Variants in UNC13C observed in about 807,000 individuals in gnomAD.
UNC13C encodes unc-13 homolog C, also known as protein unc-13 homolog C.
In UNC13C, 174 loss-of-function variants were observed where a neutral mutation model predicts 245.4. That is an observed-to-expected ratio of 0.71 (90% confidence interval 0.63 to 0.80). The LOEUF is 0.80. Among genes scored for constraint, UNC13C ranks in the 30% least tolerant of loss-of-function variants. UNC13C has a pLI of 0.00. For missense variants in UNC13C, 2,829 were observed against 2,602.9 expected, an observed-to-expected ratio of 1.09 and a Z score of -1.89; for synonymous variants, 992 against 895.1, an observed-to-expected ratio of 1.11 and a Z score of -1.93.
At chr15:54,492,257 A>G (rs188089076) in intron 19 of UNC13C, among the ~76,000 whole-genome samples, 1 of 152,276 alleles carries the variant, frequency 6.6e-6, no homozygotes, top group East Asian at 1.9e-4. Context: ...TCTCAGATAC[A>G]GTTTATATAT....
intron 4 of UNC13C, among the ~76,000 whole-genome samples, chr15:54,161,740 C>G (rs1373282852): frequency 1.3e-5 from 2 of 152,024 alleles, no homozygotes; most frequent in Non-Finnish European, 2.9e-5. Context: ...TACCTGAGGT[C>G]AGGAGTTCCA....
intron 2 of UNC13C, among the ~76,000 whole-genome samples, chr15:54,060,596 G>A (rs1312421214): frequency 6.6e-6 from 1 of 152,110 alleles, no homozygotes; most frequent in Admixed American, 6.5e-5. Context: ...AATACCATTT[G>A]ACCCAGCCAT....
chr15:54,052,603 T>A (rs912071395), intron 2 of UNC13C, among the ~76,000 whole-genome samples: 6 of 152,214 alleles, frequency 3.9e-5, no homozygotes, highest in African/African-American at 1.4e-4. Context: ...AAATGACATG[T>A]TTATGGTGTT....
At chr15:54,471,036 G>T (rs901635416) in intron 19 of UNC13C, among the ~76,000 whole-genome samples, 1 of 150,776 alleles carries the variant, frequency 6.6e-6, no homozygotes, top group African/African-American at 2.4e-5. Flanking sequence ...TCCTGTTATT[G>T]CTTTCTAGTT....
At chr15:54,239,561 T>C (rs28410351) in intron 7 of UNC13C, among the ~76,000 whole-genome samples, 33,124 of 152,108 alleles carry the variant, frequency 0.22, 5,695 homozygotes, top group African/African-American at 0.47. Flanking sequence ...CATGATCCTC[T>C]GGCCTCTGCC....
intron 13 of UNC13C, among the ~76,000 whole-genome samples, chr15:54,301,577 C>T (rs12442616): frequency 0.72 from 109,011 of 151,982 alleles, 40,005 homozygotes; most frequent in African/African-American, 0.88. Flanking sequence ...CTGAGAATGA[C>T]GGTTTCCAGC....
intron 30 of UNC13C, among the ~76,000 whole-genome samples, chr15:54,611,924 A>ATAAGTATTTTACATGATAT (rs1566938798): frequency 6.6e-6 from 1 of 152,118 alleles, no homozygotes; most frequent in African/African-American, 2.4e-5. Context: ...ACCTTGCAAC[A>ATAAGTATTTTACATGATAT]TAAGTATTTT....
intron 30 of UNC13C, among the ~76,000 whole-genome samples, chr15:54,598,523 G>A (rs184071642): frequency 6.6e-6 from 1 of 152,200 alleles, no homozygotes; most frequent in Non-Finnish European, 1.5e-5. Context: ...CAGCACATAG[G>A]ATCTGGGTGG....
chr15:53,971,619 G>A, the UNC13C span, among the ~76,000 whole-genome samples: 1 of 152,134 alleles, frequency 6.6e-6, no homozygotes. Flanking sequence ...AGTGTTATAA[G>A]AGGGCAATAT....
intron 19 of UNC13C, among the ~76,000 whole-genome samples, chr15:54,480,416 C>CTTTTTTTTTTTT (rs58297037): frequency 2.1e-5 from 3 of 142,538 alleles, no homozygotes; most frequent in Non-Finnish European, 1.5e-5. Context: ...TTTTTTTACT[C>CTTTTTTTTTTTT]TTTTTTTTTT....
At chr15:54,391,425 T>G (rs543932313) in intron 17 of UNC13C, among the ~76,000 whole-genome samples, 8 of 152,156 alleles carry the variant, frequency 5.3e-5, no homozygotes, top group African/African-American at 1.9e-4. Context: ...AAAATAAAAA[T>G]AAATTTTAAT....
chr15:54,462,762 G>T (rs1019327451), intron 19 of UNC13C, among the ~76,000 whole-genome samples: 6 of 152,222 alleles, frequency 3.9e-5, no homozygotes, highest in African/African-American at 1.4e-4. Flanking sequence ...GCAGCCCGAG[G>T]AGCCTCCCTG....
At chr15:54,356,083 G>T (rs373590520) in intron 17 of UNC13C, among the ~76,000 whole-genome samples, 1 of 152,194 alleles carries the variant, frequency 6.6e-6, no homozygotes, top group Admixed American at 6.5e-5. Flanking sequence ...TTATGTCTGC[G>T]TGGTATTCCA....
At position 54,438,152 on chromosome 15, in the gene UNC13C, C is replaced by T. The variant is rs78030619; in HGVS notation, c.4933+23085C>T. ...AAAAAAGGACACATGTCTGGAACAG[C>T]TCACATTAACTTTTCAATGTAAAAT... On this transcript the variant is annotated intron_variant, in intron 19 of 32. Transcript: ENST00000260323. Among the ~76,000 whole-genome samples, 535 of 152,008 alleles carry T rather than the reference C, an allele frequency of 3.5e-3. 3 individuals are homozygous for T. Among genetic ancestry groups the T allele is most frequent in the African/African-American group, 0.013 (520 of 41,504 alleles).
At chr15:54,483,799 G>A (rs575678171) in intron 19 of UNC13C, among the ~76,000 whole-genome samples, 1 of 152,290 alleles carries the variant, frequency 6.6e-6, no homozygotes, top group Admixed American at 6.5e-5. Flanking sequence ...CCATTGCATA[G>A]GATGTTAAGG....
chr15:54,254,374 C>T (rs1048048285), intron 8 of UNC13C, among the ~76,000 whole-genome samples: 5 of 152,176 alleles, frequency 3.3e-5, no homozygotes, highest in Non-Finnish European at 7.3e-5. Context: ...AAAGTTTTGA[C>T]ATTTTACTCT....
chr15:54,455,972 G>A (rs1891499136), intron 19 of UNC13C, among the ~76,000 whole-genome samples: 1 of 152,080 alleles, frequency 6.6e-6, no homozygotes, highest in South Asian at 2.1e-4. Context: ...TTTTTCTGAT[G>A]TTATCTTCTA....
At chr15:53,959,802 G>A in the UNC13C span, among the ~76,000 whole-genome samples, 1 of 152,126 alleles carries the variant, frequency 6.6e-6, no homozygotes. Flanking sequence ...TTACAGCCAA[G>A]TTCTTCATAA....
At chr15:54,453,939 C>T (rs1369633618) in intron 19 of UNC13C, among the ~76,000 whole-genome samples, 2 of 152,146 alleles carry the variant, frequency 1.3e-5, no homozygotes, top group African/African-American at 4.8e-5. Context: ...TTCCCCCTCC[C>T]TCAGCATCTG....
Sources: gnomAD v4.1 joint callset for allele counts (sites outside exome capture counted in the v4.1 genomes callset) on GRCh38, gnomAD v4.1.1 for gene constraint, MANE v1.5 for transcripts, NCBI Gene and HGNC (gene_info 2026-07-23, HGNC 2026-07-21) for gene names.